Variants in DACH2 observed in about 807,000 individuals in gnomAD.
DACH2 encodes dachshund homolog 2.
A neutral mutation model predicts 35.8 loss-of-function variants in DACH2; 17 were observed. The ratio of observed to expected loss-of-function variants is 0.48; its 90% CI spans 0.33 to 0.71. The LOEUF (loss-of-function observed/expected upper bound fraction) is 0.71. Ranked by LOEUF, DACH2 falls within the 30% of genes least tolerant of loss-of-function variation. The pLI, the probability that DACH2 is intolerant of heterozygous loss-of-function variation, is 0.02. For synonymous variants in DACH2, 195 were observed against 177.3 expected, an observed-to-expected ratio of 1.10 and a Z score of -0.79; for missense variants, 469 against 472.7, an observed-to-expected ratio of 0.99 and a Z score of 0.07.
At chrX:86,164,993 T>C (rs1254090660) in intron 1 of DACH2, among the ~76,000 whole-genome samples, 2 of 111,392 alleles carry the variant, frequency 1.8e-5, no homozygotes. Flanking sequence ...GGTAGTTTGA[T>C]AGGAATAGCA....
intron 3 of DACH2, among the ~76,000 whole-genome samples, chrX:86,517,802 G>T (rs1002183555): frequency 6.3e-5 from 7 of 111,730 alleles, no homozygotes; most frequent in African/African-American, 2.3e-4. Context: ...CTAGACCTTT[G>T]TCAGATGCAT....
intron 1 of DACH2, among the ~76,000 whole-genome samples, chrX:86,216,889 G>A (rs751552944): frequency 9.0e-6 from 1 of 111,233 alleles, no homozygotes; most frequent in African/African-American, 3.3e-5. Flanking sequence ...AAGGCCAGGA[G>A]TTTGAGACCA....
At chrX:86,274,451 CT>C (rs1160584218) in intron 1 of DACH2, among the ~76,000 whole-genome samples, 790 of 31,286 alleles carry the variant, frequency 0.025, 17 homozygotes, top group African/African-American at 0.12. Context: ...ACATTAAATC[CT>C]TTTTTTTTTT....
chrX:86,617,073 G>C (rs754507726), intron 3 of DACH2, among the ~76,000 whole-genome samples: 1 of 111,432 alleles, frequency 9.0e-6, no homozygotes, highest in Non-Finnish European at 1.9e-5. Flanking sequence ...ATGGTTGAAG[G>C]TGTATGTCAT....
intron 1 of DACH2, among the ~76,000 whole-genome samples, chrX:86,347,648 C>T (rs1238845337): frequency 1.8e-5 from 2 of 112,660 alleles, no homozygotes; most frequent in Non-Finnish European, 3.7e-5. Flanking sequence ...GTTTATATAA[C>T]CCTCTGGGCA....
At chrX:86,435,371 C>A (rs913833200) in intron 2 of DACH2, among the ~76,000 whole-genome samples, 1 of 111,628 alleles carries the variant, frequency 9.0e-6, no homozygotes, top group Admixed American at 9.6e-5. Context: ...TAATGATCAG[C>A]CGCTTATATT....
chrX:86,304,626 G>A (rs1458954069), intron 1 of DACH2: 4 of 165,080 alleles, frequency 2.4e-5, no homozygotes, highest in South Asian at 1.3e-4. Flanking sequence ...TCCTACCTCC[G>A]TTCTACAGAT....
At chrX:86,783,547 A>C (rs781743306) in intron 7 of DACH2, among the ~76,000 whole-genome samples, 1 of 112,139 alleles carries the variant, frequency 8.9e-6, no homozygotes, top group Non-Finnish European at 1.9e-5. Flanking sequence ...GATGAAGAAA[A>C]TGTGGTGCAT....
intron 1 of DACH2, among the ~76,000 whole-genome samples, chrX:86,370,182 A>G (rs1450962478): frequency 9.0e-6 from 1 of 111,372 alleles, no homozygotes; most frequent in Non-Finnish European, 1.9e-5. Flanking sequence ...ACACATTGTG[A>G]TAAGTGCTAG....
intron 1 of DACH2, among the ~76,000 whole-genome samples, chrX:86,209,366 C>T (rs2032392658): frequency 9.0e-6 from 1 of 111,459 alleles, no homozygotes; most frequent in Admixed American, 9.5e-5. Context: ...CACAAACAAA[C>T]TCTTAAACCA....
intron 1 of DACH2, among the ~76,000 whole-genome samples, chrX:86,173,569 G>A (rs1182539413): frequency 1.8e-5 from 2 of 111,620 alleles, no homozygotes; most frequent in Non-Finnish European, 3.8e-5. Context: ...GAAGCCAGGA[G>A]CATACCTGGA....
chrX:86,325,013 C>T (rs1222083565), intron 1 of DACH2, among the ~76,000 whole-genome samples: 2 of 111,130 alleles, frequency 1.8e-5, no homozygotes, highest in East Asian at 5.6e-4. Flanking sequence ...AAGATACATA[C>T]ATGGTTTTTT....
chrX:86,556,213 A>G (rs2039115994), intron 3 of DACH2, among the ~76,000 whole-genome samples: 1 of 111,424 alleles, frequency 9.0e-6, no homozygotes, highest in South Asian at 3.7e-4. Flanking sequence ...GAAGCCTCTC[A>G]ATAGGGTCAT....
chrX:86,219,531 T>C (rs1410627383), intron 1 of DACH2, among the ~76,000 whole-genome samples: 1 of 111,467 alleles, frequency 9.0e-6, no homozygotes, highest in Admixed American at 9.5e-5. Flanking sequence ...TTTTAAATAG[T>C]AATGATTGAT....
At chrX:86,265,938 C>T (rs1039948464) in intron 1 of DACH2, among the ~76,000 whole-genome samples, 20 of 110,765 alleles carry the variant, frequency 1.8e-4, no homozygotes, top group African/African-American at 5.9e-4. Context: ...GTAGATAATA[C>T]GTATGTGCAT....
chrX:86,228,344 G>A (rs5968837), intron 1 of DACH2, among the ~76,000 whole-genome samples: 8,212 of 109,916 alleles, frequency 0.075, 793 homozygotes, highest in African/African-American at 0.26. Flanking sequence ...TGATTGAAGG[G>A]CATTTTGGTT....
intron 3 of DACH2, among the ~76,000 whole-genome samples, chrX:86,629,522 A>T (rs2040174965): frequency 9.0e-6 from 1 of 111,372 alleles, no homozygotes; most frequent in Non-Finnish European, 1.9e-5. Context: ...ATTCAGTGGT[A>T]CCAGAAAGAC....
chrX:86,236,055 C>T (rs1340892679), intron 1 of DACH2, among the ~76,000 whole-genome samples: 1 of 111,536 alleles, frequency 9.0e-6, no homozygotes, highest in Non-Finnish European at 1.9e-5. Flanking sequence ...ATCACTTGAA[C>T]CTGAGAAGTG....
intron 5 of DACH2, among the ~76,000 whole-genome samples, chrX:86,699,107 C>T (rs73508467): frequency 1.3e-4 from 15 of 111,922 alleles, no homozygotes; most frequent in African/African-American, 4.9e-4. Flanking sequence ...TAGACAGCAG[C>T]ACAATCATAG....
Sources: gnomAD v4.1 joint callset for allele counts (sites outside exome capture counted in the v4.1 genomes callset) on GRCh38, gnomAD v4.1.1 for gene constraint, MANE v1.5 for transcripts, NCBI Gene and HGNC (gene_info 2026-07-23, HGNC 2026-07-21) for gene names.